The following LGSN variants were observed in gnomAD, a reference collection of about 807,000 sequenced individuals.
LGSN encodes lengsin.
LGSN carries 21 observed loss-of-function variants against 19.5 expected under a neutral mutation model. The ratio of observed to expected loss-of-function variants is 1.07; its 90% CI spans 0.76 to 1.55. The LOEUF (loss-of-function observed/expected upper bound fraction) is 1.55. LGSN is among the 40% of genes most tolerant of loss of function. The pLI is 0.00. For synonymous variants in LGSN, 257 were observed against 215.6 expected, an observed-to-expected ratio of 1.19 and a Z score of -1.68; for missense variants, 673 against 608.5, an observed-to-expected ratio of 1.11 and a Z score of -1.12.
chr6:63,453,075 T>C, the LGSN span, among the ~76,000 whole-genome samples: 2,480 of 152,260 alleles, frequency 0.016, 73 homozygotes, highest in African/African-American at 0.056. Flanking sequence ...TAGTGTTTAG[T>C]TTTTTAATAT....
chr6:63,369,294 T>C, the LGSN span, among the ~76,000 whole-genome samples: 1 of 152,246 alleles, frequency 6.6e-6, no homozygotes, highest in South Asian at 2.1e-4. Context: ...GAAATATTTC[T>C]ACATTGGCTT....
At chr6:63,324,886 T>A (rs1420512735), upstream of LGSN, among the ~76,000 whole-genome samples, 21 of 150,384 alleles carry the variant, frequency 1.4e-4, no homozygotes, top group African/African-American at 4.9e-4. Context: ...GGCGGTCACA[T>A]CACAAATTCA....
the LGSN span, among the ~76,000 whole-genome samples, chr6:63,500,943 G>A: frequency 6.6e-6 from 1 of 151,938 alleles, no homozygotes; most frequent in Non-Finnish European, 1.5e-5. Context: ...GGCCAGGCTG[G>A]TCTCAAACTC....
At chr6:63,573,331 G>C in the LGSN span, 1 of 152,446 alleles carries the variant, frequency 6.6e-6, no homozygotes, top group Admixed American at 6.5e-5. Context: ...AGGCACGGGT[G>C]GTAACGATCT....
chr6:63,532,874 C>A, the LGSN span, among the ~76,000 whole-genome samples: 1 of 152,140 alleles, frequency 6.6e-6, no homozygotes, highest in African/African-American at 2.4e-5. Flanking sequence ...TTACACTGAT[C>A]AAATTATATC....
At chr6:63,493,217 C>T in the LGSN span, among the ~76,000 whole-genome samples, 2 of 152,048 alleles carry the variant, frequency 1.3e-5, no homozygotes, top group East Asian at 1.9e-4. Flanking sequence ...ACAAAGACCC[C>T]GGGTTGGTTT....
chr6:63,312,899 C>CA (rs1192617715), intron 1 of LGSN, among the ~76,000 whole-genome samples: 1 of 152,026 alleles, frequency 6.6e-6, no homozygotes. Context: ...CTAGGAAACC[C>CA]AAAAAGCAAA....
At chr6:63,294,820 C>CA (rs1009632868) in intron 2 of LGSN, 93 bp downstream of exon 2, 4 of 1,314,554 alleles carry the variant, frequency 3.0e-6, no homozygotes, top group Admixed American at 2.0e-5. Flanking sequence ...TTGCTTCTCC[C>CA]AAAAAAGAAA....
chr6:63,285,855 C>T (rs561935274), intron 2 of LGSN, 102 bp from the exon 3 acceptor site: 10 of 831,672 alleles, frequency 1.2e-5, no homozygotes, highest in South Asian at 1.8e-5. Context: ...TTAACAAAAA[C>T]ATTATATATT....
intron 2 of LGSN, among the ~76,000 whole-genome samples, chr6:63,286,932 T>A (rs1348081563): frequency 6.6e-6 from 1 of 152,202 alleles, no homozygotes; most frequent in Non-Finnish European, 1.5e-5. Flanking sequence ...CTTAAATGCA[T>A]AAAGTGAGTA....
In LGSN at chr6:63,276,312, C is replaced by A. The variant is rs1767106010; in HGVS notation, c.*3709G>T. On this transcript the variant is annotated 3_prime_UTR_variant, in exon 4 of 4. Transcript: ENST00000370657. Reference sequence around the variant, plus strand: ...TTTCATTGCCTTCAAATAATCATTTCAAGCGTTGTTGTTATTCACACACTG... The same window carrying A: ...TTTCATTGCCTTCAAATAATCATTTAAAGCGTTGTTGTTATTCACACACTG... 6.6e-6 allele frequency: 1 copy of A among 152,172 alleles called. No individual in the cohort carries two copies. The highest frequency in any genetic ancestry group is 2.4e-5 in the African/African-American group (1 of 41,456). The allele number at this position is 152,172 out of a possible 1,614,324, so 9.4% of individuals were successfully genotyped here.
chr6:63,538,483 A>G, the LGSN span, among the ~76,000 whole-genome samples: 1 of 152,234 alleles, frequency 6.6e-6, no homozygotes, highest in Non-Finnish European at 1.5e-5. Context: ...TGAATTCGAG[A>G]CACTAAGTGA....
At chr6:63,452,463 T>G in the LGSN span, among the ~76,000 whole-genome samples, 1 of 152,176 alleles carries the variant, frequency 6.6e-6, no homozygotes, top group Non-Finnish European at 1.5e-5. Context: ...TTTATGGATT[T>G]TATTAGGCTA....
At chr6:63,568,127 C>G in the LGSN span, among the ~76,000 whole-genome samples, 1 of 152,354 alleles carries the variant, frequency 6.6e-6, no homozygotes, top group Admixed American at 6.5e-5. Context: ...CTTATCATTC[C>G]TGTGTTCACT....
chr6:63,558,097 C>T, the LGSN span, among the ~76,000 whole-genome samples: 4 of 152,076 alleles, frequency 2.6e-5, no homozygotes, highest in Non-Finnish European at 1.5e-5. Flanking sequence ...GTCTCGAACT[C>T]CTGACCTTGT....
the LGSN span, among the ~76,000 whole-genome samples, chr6:63,358,540 T>A: frequency 2.0e-5 from 3 of 152,158 alleles, no homozygotes; most frequent in African/African-American, 7.2e-5. Context: ...CTTGAAGAGG[T>A]CCTTCACATC....
chr6:63,546,869 T>C, the LGSN span, among the ~76,000 whole-genome samples: 1 of 152,182 alleles, frequency 6.6e-6, no homozygotes, highest in Non-Finnish European at 1.5e-5. Context: ...TGTAAAGTGA[T>C]AGATATGTTA....
the LGSN span, among the ~76,000 whole-genome samples, chr6:63,498,758 T>C: frequency 2.0e-5 from 3 of 151,992 alleles, no homozygotes; most frequent in African/African-American, 7.3e-5. Context: ...GGGTAGGGAA[T>C]GAAAGAGAAC....
At chr6:63,465,254 C>T in the LGSN span, among the ~76,000 whole-genome samples, 7 of 152,090 alleles carry the variant, frequency 4.6e-5, no homozygotes, top group African/African-American at 1.2e-4. Flanking sequence ...CATCTCGGCT[C>T]GCTGCAACCT....
Sources: allele counts gnomAD v4.1 joint callset (sites outside exome capture counted in the v4.1 genomes callset), GRCh38; gene constraint gnomAD v4.1.1; transcripts MANE v1.5; gene names NCBI Gene and HGNC (gene_info 2026-07-23, HGNC 2026-07-21).